Variants in ALK observed in about 807,000 individuals in gnomAD.
The protein encoded by ALK is ALK tyrosine kinase receptor.
A neutral mutation model predicts 163.1 loss-of-function variants in ALK; 74 were observed. The ratio of observed to expected loss-of-function variants is 0.45; its 90% CI spans 0.38 to 0.55. The LOEUF is 0.55. ALK is among the 20% of genes least tolerant of loss of function. The pLI is 0.00. For missense variants in ALK, 2,063 were observed against 2,105.3 expected, an observed-to-expected ratio of 0.98 and a Z score of 0.39; for synonymous variants, 960 against 843.2, an observed-to-expected ratio of 1.14 and a Z score of -2.40.
intron 3 of ALK, among the ~76,000 whole-genome samples, chr2:29,649,598 C>T (rs958119495): frequency 1.3e-5 from 2 of 152,064 alleles, no homozygotes; most frequent in African/African-American, 4.8e-5. Context: ...GGAATAACCC[C>T]CTTTTTTTCC....
intron 9 of ALK, among the ~76,000 whole-genome samples, 200 bp from the exon 10 acceptor site, chr2:29,275,696 T>G (rs1299813683): frequency 6.6e-6 from 1 of 152,156 alleles, no homozygotes; most frequent in East Asian, 1.9e-4. Flanking sequence ...TTCCGAACTA[T>G]CGCTCCGTAC....
At chr2:29,343,683 A>C (rs1057181842) in intron 5 of ALK, among the ~76,000 whole-genome samples, 3 of 152,154 alleles carry the variant, frequency 2.0e-5, no homozygotes, top group African/African-American at 7.2e-5. Context: ...GTGCAGGAAG[A>C]AAGTGTTAGG....
chr2:29,226,847 C>G, intron 18 of ALK, 75 bp downstream of exon 18: 1 of 1,589,366 alleles, frequency 6.3e-7, no homozygotes, highest in Non-Finnish European at 8.6e-7. Context: ...GTTCTGGAAC[C>G]CAGAAACCAT....
At chr2:29,677,247 TCCCCTC>T (rs1677905298) in intron 3 of ALK, among the ~76,000 whole-genome samples, 1 of 28,268 alleles carries the variant, frequency 3.5e-5, no homozygotes, top group African/African-American at 1.4e-4. Flanking sequence ...TCCCCTCCCC[TCCCCTC>T]CCCTCCCCTC....
At chr2:29,691,901 T>C (rs1678409162) in intron 3 of ALK, among the ~76,000 whole-genome samples, 1 of 152,218 alleles carries the variant, frequency 6.6e-6, no homozygotes, top group Non-Finnish European at 1.5e-5. Context: ...AATTTCCACT[T>C]GTCCCTGTCT....
chr2:29,323,299 T>G (rs1256042683), intron 6 of ALK, among the ~76,000 whole-genome samples: 1 of 152,234 alleles, frequency 6.6e-6, no homozygotes, highest in East Asian at 1.9e-4. Flanking sequence ...CTTCAGAGTA[T>G]GGCTGAAACT....
intron 5 of ALK, among the ~76,000 whole-genome samples, chr2:29,374,613 T>G (rs1265659373): frequency 6.6e-6 from 1 of 152,124 alleles, no homozygotes; most frequent in African/African-American, 2.4e-5. Context: ...AAAATACTAT[T>G]TAAGCTGGGA....
chr2:29,802,527 A>G (rs1156956235), intron 1 of ALK, among the ~76,000 whole-genome samples: 165 of 1,054 alleles, frequency 0.16, 29 homozygotes, highest in South Asian at 0.5. Flanking sequence ...GGGAGGGGAG[A>G]GGAGGGGAGA....
chr2:29,360,484 G>A lies in ALK; in HGVS notation c.1282+23248C>T, dbSNP rs190546814. ...GCCCAGAGCTCCTGACACAAGGCTCGTCCTGCCCACGATGGATTCTTTCCT... is the reference window on the plus strand; with the variant it reads ...GCCCAGAGCTCCTGACACAAGGCTCATCCTGCCCACGATGGATTCTTTCCT... On this transcript the variant is annotated intron_variant, in intron 5 of 28. Transcript: ENST00000389048. Among the ~76,000 whole-genome samples, 3 of 152,268 alleles carry A rather than the reference G, an allele frequency of 2.0e-5. No homozygotes were observed. The East Asian group carries it at 5.8e-4, about 29-fold the overall frequency.
chr2:29,409,189 G>A (rs1366535801), intron 4 of ALK, among the ~76,000 whole-genome samples: 2 of 152,298 alleles, frequency 1.3e-5, no homozygotes, highest in East Asian at 1.9e-4. Context: ...AATGCCACTC[G>A]TCTTGTTTCC....
At position 29,883,837 on chromosome 2, in the gene ALK, G is replaced by C. The variant is rs149925641; in HGVS notation, c.667+36156C>G. ...TTGTGACAGTTTGAGAAAACTCACA[G>C]ATATAGTACATAGCCTGGAAATATC... On this transcript the variant is annotated intron_variant, in intron 1 of 28. Coordinates refer to ENST00000389048, the MANE Select transcript of ALK (RefSeq NM_004304.5). 6.8e-3 allele frequency among the ~76,000 whole-genome samples: 1,033 copies of C among 152,194 alleles called. 11 individuals are homozygous for C. Among genetic ancestry groups the C allele is most frequent in the African/African-American group, 0.023 (953 of 41,522 alleles).
chr2:29,437,054 G>T (rs1460201645), intron 4 of ALK, among the ~76,000 whole-genome samples: 1 of 152,080 alleles, frequency 6.6e-6, no homozygotes, highest in Admixed American at 6.5e-5. Flanking sequence ...GTGTTTTCTC[G>T]GCCAACCATG....
intron 1 of ALK, among the ~76,000 whole-genome samples, chr2:29,906,853 C>G (rs1667560500): frequency 6.6e-6 from 1 of 151,404 alleles, no homozygotes; most frequent in Non-Finnish European, 1.5e-5. Context: ...AAATATTTTC[C>G]CAACAGACTT....
intron 4 of ALK, among the ~76,000 whole-genome samples, chr2:29,435,921 A>G (rs1670384908): frequency 6.6e-6 from 1 of 152,290 alleles, no homozygotes; most frequent in East Asian, 1.9e-4. Context: ...ACTTTGGTCG[A>G]AAAAATGATA....
chr2:29,429,833 G>A (rs1380844770), intron 4 of ALK, among the ~76,000 whole-genome samples: 2 of 152,088 alleles, frequency 1.3e-5, no homozygotes, highest in African/African-American at 2.4e-5. Flanking sequence ...TTACTGCAGT[G>A]TAATTGCATC....
At chr2:29,449,627 C>T (rs1020349121) in intron 4 of ALK, among the ~76,000 whole-genome samples, 8 of 152,156 alleles carry the variant, frequency 5.3e-5, no homozygotes, top group African/African-American at 1.9e-4. Flanking sequence ...GGGCCAGGGC[C>T]CCCAAGGGTC....
intron 26 of ALK, among the ~76,000 whole-genome samples, chr2:29,201,005 A>G (rs1478584426): frequency 6.6e-6 from 1 of 151,828 alleles, no homozygotes; most frequent in Non-Finnish European, 1.5e-5. Flanking sequence ...CTGATAAAAG[A>G]TTTTAAAATA....
At chr2:29,339,295 T>C (rs1409077800) in intron 5 of ALK, among the ~76,000 whole-genome samples, 1 of 148,650 alleles carries the variant, frequency 6.7e-6, no homozygotes, top group Non-Finnish European at 1.5e-5. Flanking sequence ...TGTGAGCTGA[T>C]AGTGAAGGAT....
chr2:29,431,170 G>C (rs1218230071), intron 4 of ALK, among the ~76,000 whole-genome samples: 1 of 152,122 alleles, frequency 6.6e-6, no homozygotes, highest in Non-Finnish European at 1.5e-5. Context: ...TGATTTAGGT[G>C]ATTCAATCAA....
Sources: gnomAD v4.1 joint callset for allele counts (sites outside exome capture counted in the v4.1 genomes callset) on GRCh38, gnomAD v4.1.1 for gene constraint, MANE v1.5 for transcripts, NCBI Gene and HGNC (gene_info 2026-07-23, HGNC 2026-07-21) for gene names.